The following VPS35L variants were observed in gnomAD, a reference collection of about 807,000 sequenced individuals.
The protein encoded by VPS35L is VPS35 endosomal protein-sorting factor-like.
In VPS35L, 83 loss-of-function variants were observed where a neutral mutation model predicts 133.0. The ratio of observed to expected loss-of-function variants is 0.62; its 90% CI spans 0.52 to 0.75. VPS35L has a LOEUF of 0.75. Ranked by LOEUF, VPS35L falls within the 30% of genes least tolerant of loss-of-function variation. The pLI, the probability that VPS35L is intolerant of heterozygous loss-of-function variation, is 0.00. For synonymous variants in VPS35L, 423 were observed against 449.9 expected, an observed-to-expected ratio of 0.94 and a Z score of 0.76; for missense variants, 1,083 against 1,206.8, an observed-to-expected ratio of 0.90 and a Z score of 1.52.
At chr16:19,682,613 G>A (rs1396566914) in intron 28 of VPS35L, among the ~76,000 whole-genome samples, 1 of 152,190 alleles carries the variant, frequency 6.6e-6, no homozygotes, top group Non-Finnish European at 1.5e-5. Flanking sequence ...TGTAATCCCA[G>A]CACTTTGGGA....
rs1215279739 is a variant in VPS35L, at chr16:19,633,726, T to A, written c.1635+554T>A. ...AGATTTACTAGCTGTTAACATTTGT[T>A]TTTTTTTGTTTTTGTTTTTGTTTTG... On this transcript the variant is annotated intron_variant, in intron 19 of 30. Coordinates refer to ENST00000417362, the MANE Select transcript of VPS35L (RefSeq NM_020314.7). The surrounding 1 kb of genome is among the most constrained non-coding windows in gnomAD (Gnocchi z 4.1). 6.6e-6 allele frequency among the ~76,000 whole-genome samples: 1 copy of A among 152,000 alleles called. No individual in the cohort carries two copies. Among genetic ancestry groups the A allele is most frequent in the Non-Finnish European group, 1.5e-5 (1 of 68,014 alleles).
chr16:19,652,924 T>G (rs1202783019), intron 26 of VPS35L, among the ~76,000 whole-genome samples: 1 of 152,228 alleles, frequency 6.6e-6, no homozygotes, highest in Admixed American at 6.5e-5. Context: ...ATCATTTATT[T>G]GGGAGAAGGT....
chr16:19,678,790 TAAAAA>T (rs933749095), intron 27 of VPS35L, among the ~76,000 whole-genome samples: 1 of 145,504 alleles, frequency 6.9e-6, no homozygotes, highest in Non-Finnish European at 1.5e-5. Context: ...TCAGTACAAT[TAAAAA>T]AAAAAAAGTT....
At chr16:19,664,049 T>C (rs1974581067) in intron 26 of VPS35L, among the ~76,000 whole-genome samples, 1 of 152,070 alleles carries the variant, frequency 6.6e-6, no homozygotes, top group Admixed American at 6.6e-5. Flanking sequence ...ACTACTCAGG[T>C]TGAGAACAGG....
chr16:19,583,882 C>T (rs1200438114), intron 7 of VPS35L, among the ~76,000 whole-genome samples: 2 of 152,156 alleles, frequency 1.3e-5, no homozygotes, highest in Non-Finnish European at 2.9e-5. Flanking sequence ...CTACCCTTCC[C>T]AGCCTCTAGT....
intron 17 of VPS35L, 99 bp from the exon 18 acceptor site, chr16:19,629,668 C>A (rs1287356897): frequency 1.0e-6 from 1 of 975,060 alleles, no homozygotes; most frequent in Non-Finnish European, 1.6e-6. Flanking sequence ...AGGAAATTCC[C>A]GTTTCCAACC....
chr16:19,619,053 C>G (rs1172192140), intron 14 of VPS35L, among the ~76,000 whole-genome samples: 1 of 151,894 alleles, frequency 6.6e-6, no homozygotes, highest in Non-Finnish European at 1.5e-5. Context: ...GCCTCAACCT[C>G]ATGAGTAGCT....
At position 19,633,672 on chromosome 16, in the gene VPS35L, G is replaced by C. The variant is rs983478410; in HGVS notation, c.1635+500G>C. On this transcript the variant is annotated intron_variant, in intron 19 of 30. Transcript: ENST00000417362. The surrounding 1 kb of genome is among the most constrained non-coding windows in gnomAD (Gnocchi z 4.1). ...AAGCTTATTGGAAAGTTAAAAGAAA[G>C]CTCAAAGAATTCCTATTATTCTTTA... 6.6e-6 allele frequency among the ~76,000 whole-genome samples: 1 copy of C among 152,022 alleles called. No homozygotes were observed. Among genetic ancestry groups the C allele is most frequent in the African/African-American group, 2.4e-5 (1 of 41,384 alleles).
At chr16:19,607,099 A>G (rs1247651991) in intron 9 of VPS35L, among the ~76,000 whole-genome samples, 1 of 152,174 alleles carries the variant, frequency 6.6e-6, no homozygotes, top group East Asian at 1.9e-4. Context: ...TCATTTCTCC[A>G]TATTCTCTTC....
At chr16:19,696,140 T>C (rs1975902649) in intron 29 of VPS35L, among the ~76,000 whole-genome samples, 1 of 152,190 alleles carries the variant, frequency 6.6e-6, no homozygotes, top group Admixed American at 6.5e-5. Context: ...CGCCTCAGCT[T>C]CCCAAAGTAC....
chr16:19,671,610 C>G (rs1445849761), intron 27 of VPS35L, among the ~76,000 whole-genome samples: 1 of 151,960 alleles, frequency 6.6e-6, no homozygotes, highest in Non-Finnish European at 1.5e-5. Context: ...AACCCCGTCT[C>G]TACTAAAAAT....
intron 14 of VPS35L, chr16:19,617,839 G>C (rs1245739730): frequency 6.4e-6 from 1 of 157,466 alleles, no homozygotes; most frequent in African/African-American, 2.4e-5. Flanking sequence ...ATATCACCAT[G>C]CCTGGCTAAT....
intron 14 of VPS35L, among the ~76,000 whole-genome samples, chr16:19,623,052 C>T (rs1205943560): frequency 6.6e-6 from 1 of 152,158 alleles, no homozygotes; most frequent in Non-Finnish European, 1.5e-5. Flanking sequence ...ATCTTTGATT[C>T]TTGGGTCCTT....
At chr16:19,632,781 G>C (rs1040207489) in intron 18 of VPS35L, among the ~76,000 whole-genome samples, 3 of 152,252 alleles carry the variant, frequency 2.0e-5, no homozygotes, top group Non-Finnish European at 1.5e-5. Flanking sequence ...AGGCACCTGA[G>C]GGAGGGCCTG....
chr16:19,600,080 T>G (rs1972333854), intron 8 of VPS35L, among the ~76,000 whole-genome samples: 1 of 152,152 alleles, frequency 6.6e-6, no homozygotes, highest in Admixed American at 6.6e-5. Context: ...GGTATTTAGG[T>G]AGGTGGCTCA....
At chr16:19,644,435 G>A (rs1973876896) in intron 22 of VPS35L, among the ~76,000 whole-genome samples, 1 of 152,094 alleles carries the variant, frequency 6.6e-6, no homozygotes, top group African/African-American at 2.4e-5. Context: ...ACGGGGTCTC[G>A]TCATGTTGCC....
chr16:19,674,211 G>A lies in VPS35L; in HGVS notation c.2361+4912G>A, dbSNP rs1325145332. 2.8e-4 allele frequency among the ~76,000 whole-genome samples: 11 copies of A among 38,804 alleles called. No individual in the cohort carries two copies. In the East Asian group the frequency reaches 5.4e-3, roughly 19 times the overall value. 25.5% of individuals were successfully genotyped at this position (38,804 alleles called of 152,430 possible). A position where few individuals can be genotyped will look rare whatever the true frequency, so the allele number is the denominator to read the frequency against. On this transcript the variant is annotated intron_variant, in intron 27 of 30. Transcript: ENST00000417362. ...TTTTTTTTTTTTTTTTTTTTTTTTG[G>A]AGAATCTTCCTCTGTCACCCAGGCT...
rs796689152 is a variant in VPS35L at position 19,699,958 on chromosome 16, ATGG to A, written c.2793+316_2793+318del. On this transcript the variant is annotated intron_variant, in intron 30 of 30. Coordinates refer to ENST00000417362, the MANE Select transcript of VPS35L (RefSeq NM_020314.7). This position sits in a 1 kb window ranked among gnomAD's most constrained non-coding sequence, Gnocchi z 4.2. ...ACAAAAAATAAAAAATTAGCCGGCC[ATGG>A]TGGTGCACATGTGTAGTCCCAGCTA... Among the ~76,000 whole-genome samples, 60 of 152,204 alleles carry A rather than the reference ATGG, an allele frequency of 3.9e-4. No homozygotes were observed. The highest frequency in any genetic ancestry group is 1.3e-3 in the African/African-American group (55 of 41,540).
chr16:19,608,763 T>G, intron 10 of VPS35L: 1 of 540,732 alleles, frequency 1.8e-6, no homozygotes, highest in Non-Finnish European at 3.3e-6. Context: ...AATCAACGTA[T>G]AACATTTCCC....
Sources: allele counts gnomAD v4.1 joint callset (sites outside exome capture counted in the v4.1 genomes callset), GRCh38; gene constraint gnomAD v4.1.1; non-coding constraint Gnocchi (gnomAD v3.1); transcripts MANE v1.5; gene names NCBI Gene and HGNC (gene_info 2026-07-23, HGNC 2026-07-21).